The following TMEM178B variants were observed in gnomAD, a reference collection of about 807,000 sequenced individuals.
TMEM178B encodes the protein transmembrane protein 178B.
In TMEM178B, 5 loss-of-function variants were observed where a neutral mutation model predicts 31.0. That is an observed-to-expected ratio of 0.16 (90% CI 0.08 to 0.34). The LOEUF (loss-of-function observed/expected upper bound fraction) is 0.34, where lower values mean the gene tolerates loss of function less well. Ranked by LOEUF, TMEM178B falls within the 10% of genes least tolerant of loss-of-function variation. The probability of loss-of-function intolerance (pLI) is 1.00; values close to 1 mark genes in which losing one functional copy is unlikely to be tolerated. For synonymous variants in TMEM178B, 164 were observed against 164.0 expected (o/e 1.00, Z 0.00); for missense variants, 275 against 400.3 (o/e 0.69, Z 2.67).
At chr7:141,255,247 T>C (rs543389064) in intron 2 of TMEM178B, among the ~76,000 whole-genome samples, 17 of 152,240 alleles carry the variant, frequency 1.1e-4, no homozygotes, top group Non-Finnish European at 2.4e-4. Flanking sequence ...GGATTCCACT[T>C]CTGGGTGGGA....
At chr7:141,169,078 G>T (rs1796305359) in intron 1 of TMEM178B, among the ~76,000 whole-genome samples, 1 of 152,122 alleles carries the variant, frequency 6.6e-6, no homozygotes, top group African/African-American at 2.4e-5. Flanking sequence ...AAGTTCAGGG[G>T]TACATGTTTG....
At chr7:141,430,043 C>G (rs373779042) in intron 2 of TMEM178B, 8 of 152,380 alleles carry the variant, frequency 5.3e-5, no homozygotes, top group African/African-American at 1.9e-4. Context: ...GTTCAAACAG[C>G]CTCTATAGCC....
At chr7:141,326,805 T>C (rs557412430) in intron 2 of TMEM178B, among the ~76,000 whole-genome samples, 10 of 152,222 alleles carry the variant, frequency 6.6e-5, no homozygotes, top group Non-Finnish European at 1.3e-4. Flanking sequence ...TGCTGTCCAA[T>C]AGCACCTTCT....
chr7:141,460,904 C>G (rs1802048055), intron 3 of TMEM178B, among the ~76,000 whole-genome samples: 1 of 152,210 alleles, frequency 6.6e-6, no homozygotes, highest in Non-Finnish European at 1.5e-5. Context: ...CGACAAATCC[C>G]TAAGGCGCCT....
At chr7:141,295,334 A>G (rs1184078339) in intron 2 of TMEM178B, among the ~76,000 whole-genome samples, 1 of 152,168 alleles carries the variant, frequency 6.6e-6, no homozygotes, top group East Asian at 1.9e-4. Flanking sequence ...GAGGTGAGGA[A>G]AGAGGACCTC....
At chr7:141,195,248 A>C (rs1466821223) in intron 1 of TMEM178B, among the ~76,000 whole-genome samples, 1 of 152,188 alleles carries the variant, frequency 6.6e-6, no homozygotes, top group Non-Finnish European at 1.5e-5. Flanking sequence ...TTAGGCTGCA[A>C]ATTTTCCAAA....
intron 2 of TMEM178B, among the ~76,000 whole-genome samples, chr7:141,309,162 A>C (rs1798866311): frequency 6.6e-6 from 1 of 152,264 alleles, no homozygotes; most frequent in Non-Finnish European, 1.5e-5. Flanking sequence ...AAATTAAAGA[A>C]GAAAATAAAA....
At chr7:141,379,417 C>T (rs576558367) in intron 2 of TMEM178B, among the ~76,000 whole-genome samples, 11 of 152,160 alleles carry the variant, frequency 7.2e-5, no homozygotes, top group South Asian at 2.1e-4. Flanking sequence ...CTCAGGAGGC[C>T]GAAGCCGCAG....
intron 1 of TMEM178B, among the ~76,000 whole-genome samples, chr7:141,161,023 A>G (rs1223733921): frequency 1.3e-5 from 2 of 151,708 alleles, no homozygotes; most frequent in East Asian, 3.9e-4. Context: ...ATGCCTGGCT[A>G]ATTTTGTATT....
At chr7:141,107,843 A>C (rs1429581931) in intron 1 of TMEM178B, among the ~76,000 whole-genome samples, 1 of 152,224 alleles carries the variant, frequency 6.6e-6, no homozygotes, top group East Asian at 1.9e-4. Context: ...AGAAGATAAA[A>C]GGCCCATGGA....
intron 2 of TMEM178B, among the ~76,000 whole-genome samples, chr7:141,353,521 G>T (rs897853553): frequency 6.6e-6 from 1 of 152,184 alleles, no homozygotes; most frequent in African/African-American, 2.4e-5. Flanking sequence ...CCACTTGTCT[G>T]CCTATAGCCT....
chr7:141,287,919 G>A (rs895943801), intron 2 of TMEM178B, among the ~76,000 whole-genome samples: 2 of 152,082 alleles, frequency 1.3e-5, no homozygotes, highest in Non-Finnish European at 2.9e-5. Context: ...CCTTCTTATT[G>A]CCATCTGTGA....
In TMEM178B at chr7:141,344,297, G is replaced by C. The variant is rs1799570046; in HGVS notation, c.497-93311G>C. Among the ~76,000 whole-genome samples, 1 of 152,078 alleles carries C rather than the reference G, an allele frequency of 6.6e-6. No homozygotes were observed. Reference sequence around the variant, plus strand: ...GAGGATTAGAGTGATTGAGTAACTGGTCCTTAGCCACAGAGTTCAAGATGT... The same window carrying C: ...GAGGATTAGAGTGATTGAGTAACTGCTCCTTAGCCACAGAGTTCAAGATGT... On this transcript the variant is annotated intron_variant, in intron 2 of 3. Coordinates refer to ENST00000565468, the MANE Select transcript of TMEM178B (RefSeq NM_001195278.2). The surrounding 1 kb of genome is among the most constrained non-coding windows in gnomAD (Gnocchi z 4.1).
intron 2 of TMEM178B, among the ~76,000 whole-genome samples, chr7:141,298,095 C>A (rs1319595961): frequency 6.6e-6 from 1 of 152,198 alleles, no homozygotes; most frequent in Non-Finnish European, 1.5e-5. Context: ...ATTTGCATTT[C>A]TCTGATGGCC....
At chr7:141,426,980 A>G (rs1461101842) in intron 2 of TMEM178B, among the ~76,000 whole-genome samples, 1 of 152,170 alleles carries the variant, frequency 6.6e-6, no homozygotes, top group Non-Finnish European at 1.5e-5. Flanking sequence ...AAAAAATTTA[A>G]ACACTTAGGA....
chr7:141,495,510 G>A, the TMEM178B span, among the ~76,000 whole-genome samples: 2 of 152,286 alleles, frequency 1.3e-5, no homozygotes, highest in South Asian at 4.1e-4. Flanking sequence ...TGGTAAATTG[G>A]TGGGGGTGCT....
chr7:141,473,043 C>T lies in TMEM178B; in HGVS notation c.*2257C>T, dbSNP rs118186034. On this transcript the variant is annotated 3_prime_UTR_variant, in exon 4 of 4. Transcript: ENST00000565468. Reference sequence around the variant, plus strand: ...CTGGGCGATAGGGTAAGGTGTGCAACGGGAAAAGTTGTTAGCTTCCAGTTG... The same window carrying T: ...CTGGGCGATAGGGTAAGGTGTGCAATGGGAAAAGTTGTTAGCTTCCAGTTG... 8 of 152,150 alleles carry T rather than the reference C, an allele frequency of 5.3e-5. No homozygotes were observed. Among genetic ancestry groups the T allele is most frequent in the East Asian group, 3.9e-4 (2 of 5,180 alleles). The allele number at this position is 152,150 out of a possible 1,614,324, so 9.4% of individuals were successfully genotyped here.
intron 1 of TMEM178B, among the ~76,000 whole-genome samples, chr7:141,195,229 A>G (rs1796763183): frequency 6.6e-6 from 1 of 152,198 alleles, no homozygotes; most frequent in Non-Finnish European, 1.5e-5. Context: ...TTTCTTTTCT[A>G]TCGCATAGTT....
At chr7:141,209,793 T>A (rs1300498710) in intron 1 of TMEM178B, among the ~76,000 whole-genome samples, 1 of 151,916 alleles carries the variant, frequency 6.6e-6, no homozygotes, top group East Asian at 1.9e-4. Context: ...TTAGGATGAG[T>A]AGATGTTTAC....
Sources: allele counts gnomAD v4.1 joint callset (sites outside exome capture counted in the v4.1 genomes callset), GRCh38; gene constraint gnomAD v4.1.1; non-coding constraint Gnocchi (gnomAD v3.1); transcripts MANE v1.5; gene names NCBI Gene and HGNC (gene_info 2026-07-23, HGNC 2026-07-21).